Variants in MTHFD1 observed in about 807,000 individuals in gnomAD.
The protein encoded by MTHFD1 is C-1-tetrahydrofolate synthase, cytoplasmic.
In MTHFD1, 44 loss-of-function variants were observed where a neutral mutation model predicts 110.3. That is an observed-to-expected ratio of 0.40 (90% CI 0.31 to 0.51). The LOEUF is 0.51. MTHFD1 is among the 20% of genes least tolerant of loss of function. MTHFD1 has a pLI of 0.60. For missense variants in MTHFD1, 909 were observed against 1,173.1 expected (o/e 0.77, Z 3.29); for synonymous variants, 402 against 428.8 (o/e 0.94, Z 0.77).
At chr14:64,457,965 A>C in intron 26 of MTHFD1, 1 of 577,780 alleles carries the variant, frequency 1.7e-6, no homozygotes, top group Non-Finnish European at 3.1e-6. Context: ...ATCATGGCTC[A>C]CTGTGGCCTC....
rs779440457 is a variant in MTHFD1, at chr14:64,442,035, G to A, written c.1885-19G>A. On this transcript the variant is annotated intron_variant, in intron 19 of 27. Transcript: ENST00000652337. ...AAGCAGGATTGGCAGCTCAGCTCAC[G>A]GTGTCCTGGTTTCCACAGGGCACTC... 47 of 1,556,970 alleles carry A rather than the reference G, an allele frequency of 3.0e-5. No homozygotes were observed. Among genetic ancestry groups the A allele is most frequent in the African/African-American group, 6.8e-5 (5 of 73,754 alleles).
rs948665537 is a variant in MTHFD1 at position 64,419,834 on chromosome 14, G to A, written c.636G>A (p.Leu212=). ...LDEEVNKGDI[L]VVATGQPEMV... ...CCTAGGTAAATAAAGGTGACATCCT[G>A]GTGGTTGCAACTGGTCAGCCTGAAA... Residue 212 remains leucine (L), a synonymous_variant, in exon 8 of 28, where the codon CTG becomes CTA. Transcript: ENST00000652337. 2 of 1,613,590 alleles carry A rather than the reference G, an allele frequency of 1.2e-6. No individual in the cohort carries two copies. The highest frequency in any genetic ancestry group is 1.7e-5 in the Admixed American group (1 of 60,008).
intron 26 of MTHFD1, among the ~76,000 whole-genome samples, chr14:64,457,753 G>A (rs1160434882): frequency 6.6e-6 from 1 of 152,150 alleles, no homozygotes; most frequent in Non-Finnish European, 1.5e-5. Context: ...ACCACGCCCG[G>A]CAGGGATCAG....
At chr14:64,405,374 C>T (rs935335629) in intron 2 of MTHFD1, among the ~76,000 whole-genome samples, 19 of 152,302 alleles carry the variant, frequency 1.2e-4, no homozygotes, top group East Asian at 5.8e-4. Context: ...TCGTCTCCTA[C>T]GTCCTTGCTG....
chr14:64,409,631 CAT>C (rs2077966160), intron 2 of MTHFD1, among the ~76,000 whole-genome samples: 1 of 148,294 alleles, frequency 6.7e-6, no homozygotes, highest in South Asian at 2.2e-4. Flanking sequence ...AAAGAGGAAA[CAT>C]GAGAGGCACG....
intron 16 of MTHFD1, among the ~76,000 whole-genome samples, chr14:64,436,243 C>T (rs917162050): frequency 6.6e-6 from 1 of 151,990 alleles, no homozygotes; most frequent in Non-Finnish European, 1.5e-5. Context: ...TACAGGCACC[C>T]GCCATCATGC....
intron 15 of MTHFD1, among the ~76,000 whole-genome samples, 192 bp downstream of exon 15, chr14:64,432,053 G>A (rs570838637): frequency 6.6e-6 from 1 of 152,186 alleles, no homozygotes; most frequent in Admixed American, 6.5e-5. Context: ...TAGATTAGAA[G>A]TGGCTAGTGT....
At chr14:64,393,289 C>T (rs1348014276) in intron 1 of MTHFD1, among the ~76,000 whole-genome samples, 4 of 152,168 alleles carry the variant, frequency 2.6e-5, no homozygotes, top group African/African-American at 9.7e-5. Flanking sequence ...ATCCCAGCTA[C>T]TCCAGAGGCT....
intron 2 of MTHFD1, among the ~76,000 whole-genome samples, chr14:64,403,521 G>A (rs1338107566): frequency 6.6e-6 from 1 of 152,054 alleles, no homozygotes; most frequent in Non-Finnish European, 1.5e-5. Context: ...ACCTGCCTCA[G>A]CTTCCCAAAG....
At chr14:64,450,536 G>T (rs749147925) in intron 24 of MTHFD1, among the ~76,000 whole-genome samples, 3 of 152,168 alleles carry the variant, frequency 2.0e-5, no homozygotes, top group Admixed American at 6.5e-5. Flanking sequence ...TCAGGAAAAG[G>T]TTCTTATTAT....
intron 24 of MTHFD1, among the ~76,000 whole-genome samples, chr14:64,453,480 A>G (rs1240923978): frequency 1.3e-5 from 2 of 152,204 alleles, no homozygotes; most frequent in Non-Finnish European, 2.9e-5. Flanking sequence ...CTGAGGCAGG[A>G]GAATCGCTTG....
At chr14:64,423,411 A>G (rs2078090614) in intron 8 of MTHFD1, among the ~76,000 whole-genome samples, 1 of 152,022 alleles carries the variant, frequency 6.6e-6, no homozygotes, top group African/African-American at 2.4e-5. Flanking sequence ...CTGCAGAACT[A>G]ACTTTTTTTT....
At chr14:64,442,704 G>T (rs1596553341) in intron 21 of MTHFD1, among the ~76,000 whole-genome samples, 2 of 152,264 alleles carry the variant, frequency 1.3e-5, no homozygotes, top group South Asian at 2.1e-4. Context: ...ACTGTTTTAC[G>T]TTCAGACTGT....
chr14:64,459,039 G>A (rs747902386), intron 27 of MTHFD1, among the ~76,000 whole-genome samples: 9 of 152,136 alleles, frequency 5.9e-5, no homozygotes, highest in Non-Finnish European at 1.3e-4. Flanking sequence ...CTTAACGCCC[G>A]TCTTACTGGC....
intron 11 of MTHFD1, 133 bp from the exon 12 acceptor site, chr14:64,427,204 C>T (rs2078125472): frequency 2.9e-6 from 3 of 1,021,418 alleles, no homozygotes; most frequent in Non-Finnish European, 4.4e-6. Context: ...TACAGGCATA[C>T]ACTGCTATGC....
intron 7 of MTHFD1, 152 bp downstream of exon 7, chr14:64,418,176 G>A: frequency 1.0e-6 from 1 of 1,005,016 alleles, no homozygotes; most frequent in Non-Finnish European, 1.5e-6. Flanking sequence ...GCTGAGTGGG[G>A]TGGCTGACAC....
At chr14:64,410,413 G>T (rs1218516806) in intron 2 of MTHFD1, among the ~76,000 whole-genome samples, 1 of 151,472 alleles carries the variant, frequency 6.6e-6, no homozygotes, top group Non-Finnish European at 1.5e-5. Flanking sequence ...AAGATGGGGG[G>T]GGGGGTCTCA....
intron 16 of MTHFD1, 31 bp from the exon 17 acceptor site, chr14:64,439,065 A>T: frequency 6.4e-7 from 1 of 1,563,420 alleles, no homozygotes. Context: ...TTTTACTCAA[A>T]ATCGTTCTAT....
chr14:64,449,090 CGCCCA>C (rs1002537072), intron 23 of MTHFD1: 3 of 357,086 alleles, frequency 8.4e-6, no homozygotes, highest in Non-Finnish European at 1.6e-5. Flanking sequence ...TGAGCCACCG[CGCCCA>C]GCCAGCAAAA....
Sources: gnomAD v4.1 joint callset for allele counts (sites outside exome capture counted in the v4.1 genomes callset) on GRCh38, gnomAD v4.1.1 for gene constraint, MANE v1.5 for transcripts, NCBI Gene and HGNC (gene_info 2026-07-23, HGNC 2026-07-21) for gene names.